The following TYW1 variants were observed in gnomAD, a reference collection of about 807,000 sequenced individuals.
TYW1 encodes S-adenosyl-L-methionine-dependent tRNA 4-demethylwyosine synthase TYW1.
A neutral mutation model predicts 96.2 loss-of-function variants in TYW1; 46 were observed. That is an observed-to-expected ratio of 0.48 (90% CI 0.38 to 0.61). The LOEUF (loss-of-function observed/expected upper bound fraction) is 0.61. Among genes scored for constraint, TYW1 ranks in the 20% least tolerant of loss-of-function variants. The pLI is 0.00. For missense variants in TYW1, 684 were observed against 909.6 expected (o/e 0.75, Z 3.19); for synonymous variants, 274 against 323.0 (o/e 0.85, Z 1.63).
chr7:67,063,979 T>C (rs1329523392), intron 9 of TYW1, among the ~76,000 whole-genome samples: 1 of 152,216 alleles, frequency 6.6e-6, no homozygotes, highest in Non-Finnish European at 1.5e-5. Flanking sequence ...GAAAGTAATA[T>C]GCTTCGATTT....
chr7:67,035,156 T>C (rs1311857093), intron 7 of TYW1, among the ~76,000 whole-genome samples: 2 of 151,814 alleles, frequency 1.3e-5, no homozygotes, highest in East Asian at 3.9e-4. Flanking sequence ...TCTTGCTCTG[T>C]TGCCCAGGCT....
chr7:67,135,997 C>T (rs1798243020), intron 13 of TYW1, among the ~76,000 whole-genome samples: 1 of 152,208 alleles, frequency 6.6e-6, no homozygotes, highest in Admixed American at 6.5e-5. Flanking sequence ...ATCATCTTAT[C>T]TTCATACCTT....
At chr7:67,193,499 T>C (rs1292978689) in intron 14 of TYW1, among the ~76,000 whole-genome samples, 1 of 152,142 alleles carries the variant, frequency 6.6e-6, no homozygotes, top group Non-Finnish European at 1.5e-5. Context: ...TTGGCTCACA[T>C]CTGTAATCCC....
At chr7:67,157,481 C>G (rs191823260) in intron 13 of TYW1, among the ~76,000 whole-genome samples, 1 of 152,056 alleles carries the variant, frequency 6.6e-6, no homozygotes, top group African/African-American at 2.4e-5. Flanking sequence ...AGATGGGGTT[C>G]CACTATATTG....
rs1409031137 is a variant in TYW1 at position 67,091,470 on chromosome 7, G to A, written c.1385-7071G>A. Among the ~76,000 whole-genome samples, 14 of 151,858 alleles carry A rather than the reference G, an allele frequency of 9.2e-5. No individual in the cohort carries two copies. The South Asian group carries it at 2.3e-3, about 25-fold the overall frequency. On this transcript the variant is annotated intron_variant, in intron 11 of 15. Coordinates refer to ENST00000359626, the MANE Select transcript of TYW1 (RefSeq NM_018264.4). ...AGGAGATACACCTAATGTAAATGAC[G>A]AGTTAACGGGTACAGCACGCCAACG...
At chr7:67,178,011 A>AG (rs35755846) in intron 13 of TYW1, among the ~76,000 whole-genome samples, 7 of 150,474 alleles carry the variant, frequency 4.7e-5, no homozygotes, top group African/African-American at 1.2e-4. Flanking sequence ...AAAGAAAAAA[A>AG]AAAAAAGCTA....
chr7:67,074,809 G>A (rs987544706), intron 10 of TYW1, among the ~76,000 whole-genome samples: 1 of 151,914 alleles, frequency 6.6e-6, no homozygotes, highest in African/African-American at 2.4e-5. Flanking sequence ...TTGCTTGAGT[G>A]AGATTCTGTA....
At chr7:67,180,831 A>G (rs1384635676) in intron 13 of TYW1, among the ~76,000 whole-genome samples, 1 of 151,848 alleles carries the variant, frequency 6.6e-6, no homozygotes, top group African/African-American at 2.4e-5. Flanking sequence ...TTTAGTGGAG[A>G]TGGGGTTTCA....
Position 67,095,091 on chromosome 7 carries a change from C to T in TYW1, c.1385-3450C>T, listed in dbSNP as rs541923952. Among the ~76,000 whole-genome samples the T allele has an allele frequency of 1.1e-4, 16 of 151,962 alleles. No homozygotes were observed. The South Asian group carries it at 2.1e-3, about 20-fold the overall frequency. On this transcript the variant is annotated intron_variant, in intron 11 of 15. Transcript: ENST00000359626. ...TCAGCTCACTGCAACCTCCGCCTCC[C>T]GGGTTCAAGTGATTCTTCTGCCTCA...
chr7:67,139,763 G>GTGTGTGTT (rs1009131863), intron 13 of TYW1, among the ~76,000 whole-genome samples: 11 of 150,892 alleles, frequency 7.3e-5, no homozygotes, highest in African/African-American at 1.9e-4. Context: ...GTGTGTGTGT[G>GTGTGTGTT]TGTGTGTGTA....
chr7:67,000,425 A>C (rs1194069259), intron 3 of TYW1, among the ~76,000 whole-genome samples: 1 of 151,914 alleles, frequency 6.6e-6, no homozygotes, highest in African/African-American at 2.4e-5. Flanking sequence ...CAGCCTCCCT[A>C]GTAGCTGGGA....
chr7:67,084,336 C>T lies in TYW1; in HGVS notation c.1384+797C>T, dbSNP rs573773330. Reference sequence around the variant, plus strand: ...GTAATGTGGTAAAAATTCAGCCACTCCATTTTTTTGAATTTCCTGATTTAA... The same window carrying T: ...GTAATGTGGTAAAAATTCAGCCACTTCATTTTTTTGAATTTCCTGATTTAA... On this transcript the variant is annotated intron_variant, in intron 11 of 15. Transcript: ENST00000359626. 5.9e-5 allele frequency among the ~76,000 whole-genome samples: 9 copies of T among 152,246 alleles called. 1 individual carries two copies. The South Asian group carries it at 1.7e-3, about 28-fold the overall frequency.
At chr7:67,237,217 T>C (rs1801915590) in intron 15 of TYW1, among the ~76,000 whole-genome samples, 2 of 144,586 alleles carry the variant, frequency 1.4e-5, no homozygotes, top group Admixed American at 1.4e-4. Context: ...GACAGTGGCA[T>C]GGGCCGGGCG....
At chr7:67,015,256 G>A (rs1161826469) in intron 5 of TYW1, among the ~76,000 whole-genome samples, 1 of 151,946 alleles carries the variant, frequency 6.6e-6, no homozygotes, top group East Asian at 1.9e-4. Context: ...CACCCACCTC[G>A]GCCTCCCAGA....
At chr7:67,177,002 G>T (rs924357961) in intron 13 of TYW1, among the ~76,000 whole-genome samples, 1 of 152,102 alleles carries the variant, frequency 6.6e-6, no homozygotes, top group Non-Finnish European at 1.5e-5. Context: ...GTTGAGAACC[G>T]TCTCTATTGG....
chr7:67,055,670 G>A (rs1476828145), intron 8 of TYW1, among the ~76,000 whole-genome samples, 165 bp from the exon 9 acceptor site: 1 of 148,314 alleles, frequency 6.7e-6, no homozygotes, highest in African/African-American at 2.5e-5. Context: ...ATTTTAAATT[G>A]TTTTCTCATC....
intron 12 of TYW1, among the ~76,000 whole-genome samples, chr7:67,116,835 T>C (rs942956554): frequency 2.0e-5 from 3 of 151,992 alleles, no homozygotes; most frequent in African/African-American, 7.3e-5. Context: ...GCAAGGAAAA[T>C]AAGAATGCAT....
At chr7:67,164,177 C>T (rs1799252994) in intron 13 of TYW1, among the ~76,000 whole-genome samples, 1 of 151,622 alleles carries the variant, frequency 6.6e-6, no homozygotes, top group Non-Finnish European at 1.5e-5. Context: ...TAATGCCATG[C>T]TGCGTTTATA....
At chr7:67,105,577 AT>A (rs1156921864) in intron 12 of TYW1, among the ~76,000 whole-genome samples, 2 of 152,196 alleles carry the variant, frequency 1.3e-5, no homozygotes, top group Admixed American at 6.5e-5. Flanking sequence ...AGGAGTACTT[AT>A]CTTTTCCAGG....
Sources: gnomAD v4.1 joint callset for allele counts (sites outside exome capture counted in the v4.1 genomes callset) on GRCh38, gnomAD v4.1.1 for gene constraint, MANE v1.5 for transcripts, NCBI Gene and HGNC (gene_info 2026-07-23, HGNC 2026-07-21) for gene names.